Variants in FOXN3 observed in about 807,000 individuals in gnomAD.
FOXN3 encodes the protein forkhead box protein N3.
FOXN3 carries 7 observed loss-of-function variants against 38.4 expected under a neutral mutation model. The ratio of observed to expected loss-of-function variants is 0.18; its 90% CI spans 0.10 to 0.34. The LOEUF is 0.34. Ranked by LOEUF, FOXN3 falls within the 10% of genes least tolerant of loss-of-function variation. FOXN3 has a pLI of 1.00. For synonymous variants in FOXN3, 230 were observed against 242.2 expected (o/e 0.95, Z 0.47); for missense variants, 456 against 613.4 (o/e 0.74, Z 2.71).
At chr14:89,193,380 TGAAA>T (rs1463276747) in intron 4 of FOXN3, among the ~76,000 whole-genome samples, 14 of 151,728 alleles carry the variant, frequency 9.2e-5, no homozygotes, top group Non-Finnish European at 1.5e-4. Flanking sequence ...GAAGACATAG[TGAAA>T]GAAAGAAAAC....
intron 4 of FOXN3, among the ~76,000 whole-genome samples, chr14:89,272,471 T>C (rs1203953376): frequency 1.3e-5 from 2 of 152,218 alleles, no homozygotes; most frequent in South Asian, 2.1e-4. Flanking sequence ...TATCTTTAGA[T>C]TGTCTATTTT....
At chr14:89,441,709 G>T (rs1334917096) in intron 1 of FOXN3, among the ~76,000 whole-genome samples, 1 of 152,176 alleles carries the variant, frequency 6.6e-6, no homozygotes, top group Non-Finnish European at 1.5e-5. Context: ...CAAGTGGAAT[G>T]CATTAACATA....
intron 1 of FOXN3, among the ~76,000 whole-genome samples, chr14:89,506,554 G>A (rs76821378): frequency 0.58 from 76,790 of 133,360 alleles, 21,808 homozygotes; most frequent in Non-Finnish European, 0.73. Flanking sequence ...GGTGAGGGGC[G>A]CCTCTGCCCG....
In FOXN3 at chr14:89,313,983, G is replaced by A. The variant is rs563766363; in HGVS notation, c.681-32969C>T. ...AATGGTGGTTGCCCAGAGCTGGAGA[G>A]AGGGGGAAAGGGGGAGTTGGAGAGT... On this transcript the variant is annotated intron_variant, in intron 3 of 5. Transcript: ENST00000557258. 1.9e-3 allele frequency among the ~76,000 whole-genome samples: 284 copies of A among 152,282 alleles called. 1 individual carries two copies. Among genetic ancestry groups the A allele is most frequent in the Middle Eastern group, 0.01 (3 of 294 alleles).
chr14:89,205,756 C>A (rs116109123), intron 4 of FOXN3, among the ~76,000 whole-genome samples: 1 of 152,208 alleles, frequency 6.6e-6, no homozygotes, highest in Non-Finnish European at 1.5e-5. Context: ...CTGTAACACA[C>A]GCCCACCGGG....
At chr14:89,471,995 C>T (rs955697044) in intron 1 of FOXN3, among the ~76,000 whole-genome samples, 6 of 152,230 alleles carry the variant, frequency 3.9e-5, no homozygotes, top group Admixed American at 2.0e-4. Flanking sequence ...GTGGCTCACG[C>T]CTGTAATCCC....
chr14:89,355,058 T>A (rs998042832), intron 2 of FOXN3: 2 of 150,762 alleles, frequency 1.3e-5, no homozygotes, highest in African/African-American at 2.4e-5. Flanking sequence ...GTAAAAAAAA[T>A]TATGGATGAG....
At chr14:89,241,376 C>T (rs553560985) in intron 4 of FOXN3, among the ~76,000 whole-genome samples, 23 of 152,314 alleles carry the variant, frequency 1.5e-4, no homozygotes, top group African/African-American at 5.5e-4. Flanking sequence ...TCTGTGCATG[C>T]TCATGAGGTG....
At chr14:89,566,271 A>G (rs989035099) in intron 1 of FOXN3, among the ~76,000 whole-genome samples, 1 of 151,940 alleles carries the variant, frequency 6.6e-6, no homozygotes, top group African/African-American at 2.4e-5. Flanking sequence ...AAGAACGGCT[A>G]ATCAGAAAAG....
At chr14:89,272,782 A>G (rs1886188207) in intron 4 of FOXN3, among the ~76,000 whole-genome samples, 1 of 152,172 alleles carries the variant, frequency 6.6e-6, no homozygotes, top group African/African-American at 2.4e-5. Flanking sequence ...GAATCTGGGA[A>G]GCATAAGTTG....
intron 4 of FOXN3, among the ~76,000 whole-genome samples, chr14:89,275,635 G>A (rs12894915): frequency 0.35 from 53,941 of 152,042 alleles, 10,581 homozygotes; most frequent in Middle Eastern, 0.47. Flanking sequence ...GTAAAAGTTC[G>A]TAGCAGAGTT....
At chr14:89,609,463 A>G (rs746128160) in intron 1 of FOXN3, among the ~76,000 whole-genome samples, 1 of 152,228 alleles carries the variant, frequency 6.6e-6, no homozygotes, top group Admixed American at 6.5e-5. Context: ...CATTGACAAC[A>G]TAACAATAAA....
chr14:89,414,551 GTT>G (rs748504239), intron 1 of FOXN3, among the ~76,000 whole-genome samples: 17,097 of 122,576 alleles, frequency 0.14, 1,044 homozygotes, highest in South Asian at 0.27. Context: ...GGCCCAACCG[GTT>G]TTTTTTTTTT....
At chr14:89,331,601 A>G (rs997505010) in intron 3 of FOXN3, among the ~76,000 whole-genome samples, 3 of 152,240 alleles carry the variant, frequency 2.0e-5, no homozygotes, top group South Asian at 2.1e-4. Context: ...TTAGGACCAC[A>G]TGGGTCTCCT....
chr14:89,201,142 G>A lies in FOXN3; in HGVS notation c.746-20336C>T, dbSNP rs114222538. 4.4e-3 allele frequency among the ~76,000 whole-genome samples: 674 copies of A among 152,250 alleles called. 7 individuals carry two copies. Among genetic ancestry groups the A allele is most frequent in the African/African-American group, 0.016 (659 of 41,540 alleles). ...TTTTTAAAGCTCCCTATAGATGAAT[G>A]AGAAACTACACATTCCTCTCAAGTC... On this transcript the variant is annotated intron_variant, in intron 4 of 5. Coordinates refer to ENST00000557258, the MANE Select transcript of FOXN3 (RefSeq NM_005197.4).
intron 1 of FOXN3, among the ~76,000 whole-genome samples, chr14:89,537,407 A>G (rs572882184): frequency 7.9e-5 from 12 of 152,180 alleles, no homozygotes; most frequent in Non-Finnish European, 1.6e-4. Context: ...GGATGGATTG[A>G]TGGACTGTCC....
chr14:89,254,749 C>T (rs528178072), intron 4 of FOXN3, among the ~76,000 whole-genome samples: 1 of 152,214 alleles, frequency 6.6e-6, no homozygotes, highest in East Asian at 1.9e-4. Context: ...TGCCTCTGAA[C>T]ACTCGTCTCC....
chr14:89,281,277 A>G (rs146941119), intron 3 of FOXN3, among the ~76,000 whole-genome samples: 7 of 152,286 alleles, frequency 4.6e-5, no homozygotes, highest in African/African-American at 1.7e-4. Flanking sequence ...GATACACAAA[A>G]TGGCAAATTC....
chr14:89,241,724 G>A (rs1441242700), intron 4 of FOXN3, among the ~76,000 whole-genome samples: 1 of 152,156 alleles, frequency 6.6e-6, no homozygotes, highest in African/African-American at 2.4e-5. Context: ...CCTGCCCTCA[G>A]TGTCAAGGCT....
Sources: gnomAD v4.1 joint callset for allele counts (sites outside exome capture counted in the v4.1 genomes callset) on GRCh38, gnomAD v4.1.1 for gene constraint, MANE v1.5 for transcripts, NCBI Gene and HGNC (gene_info 2026-07-23, HGNC 2026-07-21) for gene names.